The following EYS variants were observed in gnomAD, a reference collection of about 807,000 sequenced individuals.
EYS encodes EGF-like photoreceptor maintenance factor, also known as protein eyes shut homolog.
Under a neutral mutation model 282.1 loss-of-function variants are expected in EYS, and 250 were observed. That is an observed-to-expected ratio of 0.89 (90% CI 0.80 to 0.98). EYS has a LOEUF of 0.98. Among genes scored for constraint, EYS ranks in the 50% least tolerant of loss-of-function variants. The pLI is 0.00. For synonymous variants in EYS, 1,355 were observed against 1,282.9 expected (o/e 1.06, Z -1.20); for missense variants, 4,016 against 3,709.0 (o/e 1.08, Z -2.15).
At chr6:64,725,394 GA>G (rs1771719601) in intron 22 of EYS, among the ~76,000 whole-genome samples, 1 of 151,902 alleles carries the variant, frequency 6.6e-6, no homozygotes. Flanking sequence ...CCACCCATCA[GA>G]ATAGGGGCTA....
At chr6:64,195,126 A>T (rs1427091730) in intron 31 of EYS, among the ~76,000 whole-genome samples, 1 of 152,034 alleles carries the variant, frequency 6.6e-6, no homozygotes, top group African/African-American at 2.4e-5. Flanking sequence ...TTCTTTAAGC[A>T]TCACTGTTTT....
intron 36 of EYS, among the ~76,000 whole-genome samples, chr6:63,859,759 C>T (rs1442675504): frequency 1.3e-5 from 2 of 152,116 alleles, no homozygotes; most frequent in Non-Finnish European, 1.5e-5. Context: ...CTGCAAACTT[C>T]CCATCTGCAG....
chr6:65,051,470 TG>T lies in EYS; in HGVS notation c.2137+6143del, dbSNP rs1293583672. Among the ~76,000 whole-genome samples the T allele has an allele frequency of 2.6e-5, 4 of 151,644 alleles. No individual in the cohort carries two copies. In the East Asian group the frequency reaches 5.8e-4, roughly 22 times the overall value. ...TGTATATATGTAGCATTCAATGTGATGTTTTGATACATGTATACATTATGGA... is the reference window on the plus strand; with the variant it reads ...TGTATATATGTAGCATTCAATGTGATTTTTGATACATGTATACATTATGGA... On this transcript the variant is annotated intron_variant, in intron 13 of 42. Coordinates refer to ENST00000503581, the MANE Select transcript of EYS (RefSeq NM_001142800.2).
chr6:64,049,086 T>C (rs1166886344), intron 33 of EYS, among the ~76,000 whole-genome samples: 1 of 152,174 alleles, frequency 6.6e-6, no homozygotes, highest in South Asian at 2.1e-4. Flanking sequence ...CTTCACAGTA[T>C]AGTAGTTATT....
At chr6:65,241,336 C>G (rs1203265510) in intron 12 of EYS, among the ~76,000 whole-genome samples, 1 of 152,068 alleles carries the variant, frequency 6.6e-6, no homozygotes, top group Non-Finnish European at 1.5e-5. Flanking sequence ...GTTACAGTTA[C>G]ACGCATAGCA....
intron 12 of EYS, among the ~76,000 whole-genome samples, chr6:65,066,927 T>C (rs1773762542): frequency 6.6e-6 from 1 of 152,168 alleles, no homozygotes; most frequent in Admixed American, 6.6e-5. Context: ...ATGTAACATT[T>C]AGCATATAGA....
chr6:64,119,880 G>A (rs898641343), intron 31 of EYS, among the ~76,000 whole-genome samples: 1 of 152,008 alleles, frequency 6.6e-6, no homozygotes, highest in Non-Finnish European at 1.5e-5. Flanking sequence ...CTACTTTTTG[G>A]ATCCTTAAAA....
At chr6:65,147,318 A>C (rs999826880) in intron 12 of EYS, among the ~76,000 whole-genome samples, 2 of 152,070 alleles carry the variant, frequency 1.3e-5, no homozygotes, top group Non-Finnish European at 2.9e-5. Flanking sequence ...TATAAATATT[A>C]ACATAAATAA....
intron 2 of EYS, among the ~76,000 whole-genome samples, chr6:65,500,110 C>A (rs1766395970): frequency 6.6e-6 from 1 of 152,018 alleles, no homozygotes; most frequent in South Asian, 2.1e-4. Context: ...ATGTATTGAC[C>A]TGACTCCAAA....
At chr6:63,771,122 A>G (rs981933325) in intron 40 of EYS, among the ~76,000 whole-genome samples, 3 of 152,170 alleles carry the variant, frequency 2.0e-5, no homozygotes, top group African/African-American at 7.2e-5. Flanking sequence ...AATTCCTATT[A>G]AGGAGAGAAC....
rs549157923 is a variant in EYS at position 63,994,755 on chromosome 6, C to T, written c.6834+4320G>A. Among the ~76,000 whole-genome samples the T allele has an allele frequency of 2.3e-4, 35 of 151,848 alleles. 1 individual carries two copies. The highest frequency in any genetic ancestry group is 2.3e-3 in the Admixed American group (35 of 15,224). On this transcript the variant is annotated intron_variant, in intron 34 of 42. Coordinates refer to ENST00000503581, the MANE Select transcript of EYS (RefSeq NM_001142800.2). ...AGTAAGACAATCAATAATATGTTTT[C>T]TTTTGTTTCTTCTGAAATCCCTTTA...
At chr6:64,047,491 A>C (rs1770667977) in intron 33 of EYS, among the ~76,000 whole-genome samples, 1 of 152,230 alleles carries the variant, frequency 6.6e-6, no homozygotes. Context: ...CTCAGGCATA[A>C]AAATGCCTGA....
chr6:65,052,836 T>A (rs1476854158), intron 13 of EYS, among the ~76,000 whole-genome samples: 4 of 151,710 alleles, frequency 2.6e-5, no homozygotes, highest in Non-Finnish European at 5.9e-5. Context: ...GGAGCCAGAT[T>A]AAATCAAAGC....
chr6:65,622,785 T>C (rs1283550728), intron 2 of EYS, among the ~76,000 whole-genome samples: 1 of 151,448 alleles, frequency 6.6e-6, no homozygotes, highest in African/African-American at 2.4e-5. Context: ...TTTGAAACAG[T>C]ATCTCTCTGT....
At chr6:64,561,336 A>T (rs980093822) in intron 26 of EYS, among the ~76,000 whole-genome samples, 16 of 152,134 alleles carry the variant, frequency 1.1e-4, no homozygotes, top group African/African-American at 3.9e-4. Context: ...AAAATAAGGC[A>T]AGAGAAAGAA....
At chr6:64,541,925 A>C (rs1764704663) in intron 26 of EYS, among the ~76,000 whole-genome samples, 1 of 152,198 alleles carries the variant, frequency 6.6e-6, no homozygotes, top group Non-Finnish European at 1.5e-5. Flanking sequence ...TAAATAAGGA[A>C]GTGCTCTCAG....
chr6:64,501,446 G>GTATA (rs1303066060), intron 26 of EYS, among the ~76,000 whole-genome samples: 2 of 151,916 alleles, frequency 1.3e-5, no homozygotes, highest in African/African-American at 4.8e-5. Flanking sequence ...ATGTATGTAT[G>GTATA]TATATACATA....
intron 19 of EYS, among the ~76,000 whole-genome samples, chr6:64,827,693 T>A (rs928433760): frequency 6.6e-6 from 1 of 151,988 alleles, no homozygotes; most frequent in Non-Finnish European, 1.5e-5. Context: ...ATTAAAAAAG[T>A]CATAAGAGCT....
At chr6:64,163,026 A>G (rs2150302147) in intron 31 of EYS, among the ~76,000 whole-genome samples, 1 of 152,252 alleles carries the variant, frequency 6.6e-6, no homozygotes, top group East Asian at 1.9e-4. Flanking sequence ...TCTGTCTTCA[A>G]GGAGCTTACA....
Sources: gnomAD v4.1 joint callset for allele counts (sites outside exome capture counted in the v4.1 genomes callset) on GRCh38, gnomAD v4.1.1 for gene constraint, MANE v1.5 for transcripts, NCBI Gene and HGNC (gene_info 2026-07-23, HGNC 2026-07-21) for gene names.